Variants in LOC128125822 observed in about 807,000 individuals in gnomAD.
At chr6:63,574,601 A>C in the LOC128125822 span, among the ~76,000 whole-genome samples, 2 of 152,242 alleles carry the variant, frequency 1.3e-5, no homozygotes, top group African/African-American at 2.4e-5. Flanking sequence ...GGATATGGCC[A>C]GACTAGGTTG....
chr6:63,572,642 C>A, the LOC128125822 span: 1 of 417,734 alleles, frequency 2.4e-6, no homozygotes. Context: ...CTGCAGCCAC[C>A]GCCACCGCCT....
chr6:63,578,904 C>T, the LOC128125822 span: 1 of 1,557,968 alleles, frequency 6.4e-7, no homozygotes, highest in Admixed American at 2.1e-5. Flanking sequence ...TTAGGATTGG[C>T]CTTTTGATGA....
the LOC128125822 span, chr6:63,576,941 A>G: frequency 1.2e-6 from 2 of 1,614,084 alleles, no homozygotes; most frequent in Non-Finnish European, 1.7e-6. Flanking sequence ...GAGATTTCTT[A>G]TTACACACAA....
At chr6:63,577,042 A>G in the LOC128125822 span, 2 of 1,355,246 alleles carry the variant, frequency 1.5e-6, no homozygotes, top group Non-Finnish European at 2.1e-6. Flanking sequence ...AGTGGGACTT[A>G]TAGCTAACAA....
At chr6:63,579,348 C>T in the LOC128125822 span, 4 of 1,558,508 alleles carry the variant, frequency 2.6e-6, no homozygotes, top group Non-Finnish European at 3.5e-6. Context: ...AATGGATTCT[C>T]TTTTCATTTG....
chr6:63,582,232 T>C, the LOC128125822 span: 1 of 152,320 alleles, frequency 6.6e-6, no homozygotes, highest in Non-Finnish European at 1.5e-5. Flanking sequence ...CTTGAGAACA[T>C]AATTTTATAT....
At chr6:63,572,979 C>A in the LOC128125822 span, among the ~76,000 whole-genome samples, 205 of 152,234 alleles carry the variant, frequency 1.3e-3, no homozygotes, top group Non-Finnish European at 1.9e-3. Context: ...GAGTCCCTCC[C>A]GAGCCCGGAG....
chr6:63,579,596 G>C, the LOC128125822 span, among the ~76,000 whole-genome samples: 1 of 151,974 alleles, frequency 6.6e-6, no homozygotes, highest in Non-Finnish European at 1.5e-5. Context: ...TTTTTATTGA[G>C]GTATAATTAA....
chr6:63,573,428 A>G, the LOC128125822 span: 2 of 152,014 alleles, frequency 1.3e-5, no homozygotes, highest in Non-Finnish European at 2.9e-5. Context: ...CCGGGACCCG[A>G]GCCTCAGACA....
At chr6:63,577,723 AT>A in the LOC128125822 span, among the ~76,000 whole-genome samples, 1 of 151,928 alleles carries the variant, frequency 6.6e-6, no homozygotes, top group Non-Finnish European at 1.5e-5. Context: ...TGCCCAGCTA[AT>A]TTTTGTATTT....
the LOC128125822 span, among the ~76,000 whole-genome samples, chr6:63,575,443 T>G: frequency 2.0e-5 from 3 of 152,190 alleles, no homozygotes; most frequent in East Asian, 1.9e-4. Context: ...GCTGTGACTA[T>G]TGGTTTAATG....
the LOC128125822 span, among the ~76,000 whole-genome samples, chr6:63,573,830 C>T: frequency 7.9e-5 from 12 of 152,148 alleles, no homozygotes; most frequent in Non-Finnish European, 1.5e-4. Context: ...ACTTCCCGTC[C>T]GGGCACCAGC....
chr6:63,581,136 AGT>A, the LOC128125822 span: 3 of 152,230 alleles, frequency 2.0e-5, no homozygotes, highest in Non-Finnish European at 2.9e-5. Flanking sequence ...TTTGTTTGAA[AGT>A]GTGATTTTTT....
At chr6:63,576,995 G>T in the LOC128125822 span, 3 of 1,595,212 alleles carry the variant, frequency 1.9e-6, no homozygotes, top group Non-Finnish European at 2.6e-6. Flanking sequence ...GGTAAGATTT[G>T]ATATGTTTTA....
the LOC128125822 span, among the ~76,000 whole-genome samples, chr6:63,574,969 G>A: frequency 2.5e-4 from 38 of 152,310 alleles, no homozygotes; most frequent in African/African-American, 8.7e-4. Flanking sequence ...TTGTGATAAT[G>A]AAAGTTACCT....
the LOC128125822 span, chr6:63,576,582 A>G: frequency 1.1e-5 from 5 of 464,780 alleles, no homozygotes; most frequent in African/African-American, 1.0e-4. Flanking sequence ...AAGAGTGGTT[A>G]TCCTGGACAC....
the LOC128125822 span, chr6:63,580,249 T>G: frequency 8.2e-7 from 1 of 1,219,338 alleles, no homozygotes; most frequent in South Asian, 1.2e-5. Flanking sequence ...AGCCAACATG[T>G]TGGCTTAGTA....
chr6:63,579,131 G>T, the LOC128125822 span: 4 of 1,384,206 alleles, frequency 2.9e-6, no homozygotes, highest in African/African-American at 4.5e-5. Context: ...GTCAACATTT[G>T]TCATAGGTAT....
At chr6:63,576,832 T>A in the LOC128125822 span, 1 of 1,470,712 alleles carries the variant, frequency 6.8e-7, no homozygotes, top group Non-Finnish European at 9.4e-7. Flanking sequence ...TGTATTCAAT[T>A]TTTTTAATTA....
Sources: allele counts gnomAD v4.1 joint callset (sites outside exome capture counted in the v4.1 genomes callset), GRCh38; gene constraint gnomAD v4.1.1; transcripts MANE v1.5.